MALRD1: variants seen among roughly 807,000 people sequenced by gnomAD.
MALRD1 encodes MAM and LDL receptor class A domain containing 1, also known as MAM and LDL-receptor class A domain-containing protein 1.
MALRD1 carries 247 observed loss-of-function variants against 242.1 expected under a neutral mutation model. The ratio of observed to expected loss-of-function variants is 1.02; its 90% confidence interval spans 0.92 to 1.13. The LOEUF (loss-of-function observed/expected upper bound fraction) is 1.13. MALRD1 is among the 50% of genes most tolerant of loss of function. MALRD1 has a pLI of 0.00. For missense variants in MALRD1, 2,989 were observed against 2,533.1 expected, an observed-to-expected ratio of 1.18 and a Z score of -3.86; for synonymous variants, 995 against 866.6, an observed-to-expected ratio of 1.15 and a Z score of -2.60.
At chr10:19,047,586 A>T (rs188452146), upstream of MALRD1, among the ~76,000 whole-genome samples, 45 of 152,276 alleles carry the variant, frequency 3.0e-4, no homozygotes, top group African/African-American at 9.4e-4. Flanking sequence ...AAAAAGAGGT[A>T]GATGAAGGAT....
chr10:19,328,930 T>C (rs1223432829), intron 23 of MALRD1, among the ~76,000 whole-genome samples: 1 of 150,544 alleles, frequency 6.6e-6, no homozygotes, highest in African/African-American at 2.5e-5. Context: ...AAGATTCTAC[T>C]CTGCCACACT....
intron 38 of MALRD1, among the ~76,000 whole-genome samples, chr10:19,707,156 TTTC>T (rs766693375): frequency 2.7e-5 from 4 of 149,750 alleles, no homozygotes; most frequent in African/African-American, 7.4e-5. Context: ...CTCATCCTCC[TTTC>T]TTCTTCTTCG....
At chr10:19,117,434 T>A (rs1301927091) in intron 5 of MALRD1, among the ~76,000 whole-genome samples, 1 of 151,368 alleles carries the variant, frequency 6.6e-6, no homozygotes, top group Non-Finnish European at 1.5e-5. Flanking sequence ...TTTTTGTTTA[T>A]AGTACTTCTG....
At chr10:19,067,066 G>T (rs968339433) in intron 2 of MALRD1, among the ~76,000 whole-genome samples, 3 of 152,076 alleles carry the variant, frequency 2.0e-5, no homozygotes, top group Non-Finnish European at 4.4e-5. Context: ...AAATATTTAT[G>T]ATTTTAAAAT....
At chr10:19,470,511 ACT>A (rs970666177) in intron 29 of MALRD1, among the ~76,000 whole-genome samples, 1 of 151,520 alleles carries the variant, frequency 6.6e-6, no homozygotes, top group African/African-American at 2.4e-5. Flanking sequence ...TTTTAAGGAA[ACT>A]CTCTACTGTT....
At chr10:19,391,262 T>A (rs1277380735) in intron 28 of MALRD1, among the ~76,000 whole-genome samples, 1 of 152,140 alleles carries the variant, frequency 6.6e-6, no homozygotes, top group Non-Finnish European at 1.5e-5. Context: ...ACTTAAAAAG[T>A]ATATGCCTGT....
At chr10:19,655,252 A>G (rs577766458) in intron 36 of MALRD1, among the ~76,000 whole-genome samples, 1 of 151,768 alleles carries the variant, frequency 6.6e-6, no homozygotes, top group Non-Finnish European at 1.5e-5. Flanking sequence ...CAAATTGGAG[A>G]CTTTTTAAAT....
At chr10:19,293,335 G>A (rs7068857) in intron 21 of MALRD1, among the ~76,000 whole-genome samples, 19,415 of 152,180 alleles carry the variant, frequency 0.13, 1,255 homozygotes, top group Non-Finnish European at 0.14. Flanking sequence ...TCTTTTAACT[G>A]TTTTGATACT....
chr10:19,076,900 C>T (rs1203532619), intron 2 of MALRD1, among the ~76,000 whole-genome samples: 2 of 151,848 alleles, frequency 1.3e-5, no homozygotes, highest in African/African-American at 4.8e-5. Context: ...GTCATCTGAA[C>T]AATATTAAGT....
chr10:19,048,089 A>G (rs1328541882), upstream of MALRD1, among the ~76,000 whole-genome samples: 1 of 152,186 alleles, frequency 6.6e-6, no homozygotes, highest in Non-Finnish European at 1.5e-5. Flanking sequence ...ATGCATCCTG[A>G]AATCAGGTGT....
At chr10:19,515,164 A>G (rs529689135) in intron 31 of MALRD1, among the ~76,000 whole-genome samples, 26 of 152,272 alleles carry the variant, frequency 1.7e-4, no homozygotes, top group Non-Finnish European at 2.9e-4. Flanking sequence ...AGCATAGCTT[A>G]CCATCTTTAT....
At chr10:19,289,776 G>A (rs549390432) in intron 21 of MALRD1, among the ~76,000 whole-genome samples, 24 of 151,984 alleles carry the variant, frequency 1.6e-4, no homozygotes, top group Non-Finnish European at 2.9e-4. Context: ...TCTCTCTCAG[G>A]CATCTTGCTA....
Position 19,175,338 on chromosome 10 carries a change from T to C in MALRD1, c.1951+10T>C, listed in dbSNP as rs1835183463. 1.6e-6 allele frequency: 2 copies of C among 1,228,976 alleles called. No individual in the cohort carries two copies. Among genetic ancestry groups the C allele is most frequent in the Admixed American group, 4.2e-5 (1 of 23,636 alleles). 76.1% of individuals were successfully genotyped at this position (1,228,976 alleles called of 1,614,324 possible). On this transcript the variant is annotated intron_variant, in intron 14 of 39. Transcript: ENST00000454679. ...AGTACACAAAGCAAGTGTAAGTTTT[T>C]CCTTGTCGTTGTTGCTGTTTTAAAC...
intron 36 of MALRD1, among the ~76,000 whole-genome samples, chr10:19,624,755 G>T (rs1334943216): frequency 1.3e-5 from 2 of 151,668 alleles, no homozygotes; most frequent in East Asian, 2.0e-4. Context: ...AATTTTAGCT[G>T]CCCTGGAGGC....
chr10:19,279,571 C>G (rs577782651), intron 19 of MALRD1, among the ~76,000 whole-genome samples: 2 of 152,276 alleles, frequency 1.3e-5, no homozygotes, highest in Admixed American at 1.3e-4. Flanking sequence ...ATGAGGATTT[C>G]TGGTTTGACT....
At chr10:19,432,525 A>C (rs923790914) in intron 28 of MALRD1, among the ~76,000 whole-genome samples, 1 of 152,206 alleles carries the variant, frequency 6.6e-6, no homozygotes, top group Non-Finnish European at 1.5e-5. Context: ...TTAAATAAAC[A>C]CTTATTTAGT....
chr10:19,687,011 T>A lies in MALRD1; in HGVS notation c.6138-5271T>A, dbSNP rs555487115. Among the ~76,000 whole-genome samples the A allele has an allele frequency of 9.2e-4, 139 of 150,934 alleles. 1 individual carries two copies. In the Middle Eastern group the frequency reaches 0.024, roughly 26 times the overall value. ...TGAGTGCTCTTTGAAAAAAAAAAAA[T>A]AATAACGAGTGGATTTTTTTCCCTC... is the stretch of plus-strand genomic sequence containing the variant. On this transcript the variant is annotated intron_variant, in intron 36 of 39. Transcript: ENST00000454679.
intron 26 of MALRD1, among the ~76,000 whole-genome samples, chr10:19,375,703 C>G (rs1029814459): frequency 1.3e-4 from 20 of 152,130 alleles, no homozygotes; most frequent in Non-Finnish European, 2.6e-4. Flanking sequence ...AGACCAATTA[C>G]TTCCTTGAAA....
At chr10:19,641,876 G>A (rs929227293) in intron 36 of MALRD1, among the ~76,000 whole-genome samples, 1 of 152,028 alleles carries the variant, frequency 6.6e-6, no homozygotes, top group Non-Finnish European at 1.5e-5. Context: ...AATGACCCAA[G>A]TGGTGTTACA....
Sources: allele counts gnomAD v4.1 joint callset (sites outside exome capture counted in the v4.1 genomes callset), GRCh38; gene constraint gnomAD v4.1.1; transcripts MANE v1.5; gene names NCBI Gene and HGNC (gene_info 2026-07-23, HGNC 2026-07-21).